Variants in RAB6D observed in about 807,000 individuals in gnomAD.
RAB6D encodes ras-related protein Rab-6D.
A neutral mutation model predicts 17.5 loss-of-function variants in RAB6D; 11 were observed. The observed-to-expected ratio is 0.63, with a 90% CI of 0.39 to 1.04. The LOEUF (loss-of-function observed/expected upper bound fraction) is 1.04. RAB6D is among the 50% of genes least tolerant of loss of function. The pLI is 0.00. For missense variants in RAB6D, 163 were observed against 315.1 expected (o/e 0.52, Z 3.65); for synonymous variants, 68 against 122.6 (o/e 0.55, Z 2.94).
rs139354648 is a variant in RAB6D at position 131,364,161 on chromosome 2, G to A, written c.-441C>T. On this transcript the variant is annotated 5_prime_UTR_variant, in exon 1 of 1. Coordinates refer to ENST00000623617, the MANE Select transcript of RAB6D (RefSeq NM_001077637.3). ...CCGCAGCCCAACCTGCTGAGTGCGC[G>A]AGCCTCTGGCGCGGGGCGAGCCAGG... is the stretch of plus-strand genomic sequence containing the variant. 1,665 of 103,870 alleles carry A rather than the reference G, an allele frequency of 0.016. 30 individuals carry two copies. The highest frequency in any genetic ancestry group is 0.054 in the African/African-American group (1,576 of 29,248). 6.4% of individuals were successfully genotyped at this position (103,870 alleles called of 1,614,324 possible).
Position 131,363,303 on chromosome 2 carries a change from C to A in RAB6D, c.418G>T (p.Glu140Ter), listed in dbSNP as rs764929089. 1.2e-6 allele frequency: 2 copies of A among 1,614,164 alleles called. No homozygotes were observed. The highest frequency in any genetic ancestry group is 1.7e-5 in the Admixed American group (1 of 60,032). Residue 140 changes from glutamate (E) to a stop codon, truncating the protein, a stop_gained, in exon 1 of 1, where the codon GAG (glutamate) becomes TAG (stop). Transcript: ENST00000623617. LOFTEE classifies it high-confidence loss of function. Reference sequence around the variant, plus strand: ...AGCCCTTTGGCTTTCCTCTCTCCCTCCTCAATTGACACTTGCCTCTTGTCA... The same window carrying A: ...AGCCCTTTGGCTTTCCTCTCTCCCTACTCAATTGACACTTGCCTCTTGTCA... ...LADKRQVSIE[E>*]GERKAKGLNV...
rs1292447126 is a variant in RAB6D, at chr2:131,360,620, A to G, written c.*2336T>C. ...ACCAACATATAAACAGCAATGTGTT[A>G]AAGAATTATAAAGAATAATACAAAT... is the stretch of plus-strand genomic sequence containing the variant. On this transcript the variant is annotated 3_prime_UTR_variant, in exon 1 of 1. Coordinates refer to ENST00000623617, the MANE Select transcript of RAB6D (RefSeq NM_001077637.3). Among the ~76,000 whole-genome samples the G allele has an allele frequency of 6.6e-6, 1 of 152,214 alleles. No homozygotes were observed. The highest frequency in any genetic ancestry group is 6.5e-5 in the Admixed American group (1 of 15,288).
rs181786053 is a variant in RAB6D, at chr2:131,361,528, G to A, written c.*1428C>T. The A allele has an allele frequency of 7.8e-4, 130 of 167,150 alleles. No individual in the cohort carries two copies. The highest frequency in any genetic ancestry group is 5.6e-4 in the Non-Finnish European group (38 of 68,096). 10.4% of individuals were successfully genotyped at this position (167,150 alleles called of 1,614,324 possible). On this transcript the variant is annotated 3_prime_UTR_variant, in exon 1 of 1. Coordinates refer to ENST00000623617, the MANE Select transcript of RAB6D (RefSeq NM_001077637.3). The stretch of plus-strand genomic sequence containing the variant: ...TCGAAGTTTTCTTCCTGCAAACAAT[G>A]TATTTACAAATGTGTTTATTAGCTT...
At position 131,363,962 on chromosome 2, in the gene RAB6D, G is replaced by A. The variant is rs1703466534; in HGVS notation, c.-242C>T. ...GCCCGCGGCTGGGAAGGGAAGGAGG[G>A]CGGTGTCGGCAGGAGCCAGGGGTGT... On this transcript the variant is annotated 5_prime_UTR_variant, in exon 1 of 1. Coordinates refer to ENST00000623617, the MANE Select transcript of RAB6D (RefSeq NM_001077637.3). The A allele has an allele frequency of 4.7e-6, 3 of 640,254 alleles. No homozygotes were observed. The South Asian group carries it at 6.1e-5, about 13-fold the overall frequency. The allele number at this position is 640,254 out of a possible 1,614,324, so 39.7% of individuals were successfully genotyped here. A position where few individuals can be genotyped will look rare whatever the true frequency, so the allele number is the denominator to read the frequency against.
rs1392130071 is a variant in RAB6D at position 131,361,496 on chromosome 2, C to T, written c.*1460G>A. The T allele has an allele frequency of 6.0e-6, 1 of 166,972 alleles. No individual in the cohort carries two copies. Among genetic ancestry groups the T allele is most frequent in the African/African-American group, 2.4e-5 (1 of 41,394 alleles). 10.3% of individuals were successfully genotyped at this position (166,972 alleles called of 1,614,324 possible). On this transcript the variant is annotated 3_prime_UTR_variant, in exon 1 of 1. Transcript: ENST00000623617. ...ATAAATTCAGCAGGCTTTTCCTGAC[C>T]TATAACTCGAAGTTTTCTTCCTGCA...
chr2:131,363,714 C>G lies in RAB6D; in HGVS notation c.7G>C (p.Ala3Pro), dbSNP rs770921371. ...AGCGGATTCCCGAAGTCTCCGCCCG[C>G]GGACATGGTGGAACTAGAGGAGCTG... MSAGGDFGNPLRK... is the reference protein window; with the variant it reads MSPGGDFGNPLRK... The change falls in exon 1 of 1, where the codon GCG (alanine) becomes CCG (proline). Residue 3 changes from alanine to proline, a missense_variant. Transcript: ENST00000623617. 3.6e-6 allele frequency: 5 copies of G among 1,392,140 alleles called. No homozygotes were observed. The highest frequency in any genetic ancestry group is 4.9e-6 in the Non-Finnish European group (5 of 1,019,022). 86.2% of individuals were successfully genotyped at this position (1,392,140 alleles called of 1,614,324 possible).
At position 131,363,281 on chromosome 2, in the gene RAB6D, C is replaced by A. The variant is rs774998798; in HGVS notation, c.440G>T (p.Gly147Val). The change falls in exon 1 of 1, where the codon GGG becomes GTG. Residue 147 changes from glycine to valine, a missense_variant. Physicochemically the swap from Gly to Val is moderately radical, Grantham distance 109. Coordinates refer to ENST00000623617, the MANE Select transcript of RAB6D (RefSeq NM_001077637.3). ...AGTTTCAATAAACGTAACATTCAGC[C>A]CTTTGGCTTTCCTCTCTCCCTCCTC... is the stretch of plus-strand genomic sequence containing the variant. ...SIEEGERKAK[G>V]LNVTFIETRA... The A allele has an allele frequency of 1.9e-6, 3 of 1,613,920 alleles. No homozygotes were observed. Among genetic ancestry groups the A allele is most frequent in the African/African-American group, 1.3e-5 (1 of 74,794 alleles).
In RAB6D at chr2:131,363,087, T is replaced by C; in HGVS notation, c.634A>G (p.Met212Val). ...SEGGCSCYSP[M>V]SSSTLPQKPP... ...TTCTGAGGAAGGGTTGAAGATGACATGGGAGAGTAGCAGGAACAACCCCCT... is the reference window on the plus strand; with the variant it reads ...TTCTGAGGAAGGGTTGAAGATGACACGGGAGAGTAGCAGGAACAACCCCCT... The change falls in exon 1 of 1, where the codon ATG (methionine) becomes GTG (valine). Residue 212 changes from methionine to valine, a missense_variant. Transcript: ENST00000623617. 6.2e-7 allele frequency: 1 copy of C among 1,607,770 alleles called. No homozygotes were observed. Among genetic ancestry groups the C allele is most frequent in the Non-Finnish European group, 8.5e-7 (1 of 1,175,662 alleles).
Sources: gnomAD v4.1 joint callset for allele counts (sites outside exome capture counted in the v4.1 genomes callset) on GRCh38, gnomAD v4.1.1 for gene constraint, MANE v1.5 for transcripts, NCBI Gene and HGNC (gene_info 2026-07-23, HGNC 2026-07-21) for gene names.